The following CPEB3 variants were observed in gnomAD, a reference collection of about 807,000 sequenced individuals.
The protein encoded by CPEB3 is cytoplasmic polyadenylation element-binding protein 3.
A neutral mutation model predicts 67.2 loss-of-function variants in CPEB3; 20 were observed. That is an observed-to-expected ratio of 0.30 (90% CI 0.21 to 0.43). The LOEUF is 0.43. Among genes scored for constraint, CPEB3 ranks in the 20% least tolerant of loss-of-function variants. The probability of loss-of-function intolerance (pLI) is 1.00; values close to 1 mark genes in which losing one functional copy is unlikely to be tolerated. For missense variants in CPEB3, 746 were observed against 968.6 expected, an observed-to-expected ratio of 0.77 and a Z score of 3.05; for synonymous variants, 376 against 393.1, an observed-to-expected ratio of 0.96 and a Z score of 0.51.
chr10:92,228,872 C>G (rs895677238), intron 2 of CPEB3, among the ~76,000 whole-genome samples: 4 of 151,372 alleles, frequency 2.6e-5, no homozygotes, highest in Admixed American at 1.3e-4. Flanking sequence ...TGCCACCATG[C>G]CTGGCTAATT....
intron 8 of CPEB3, among the ~76,000 whole-genome samples, chr10:92,084,164 C>CAAAAA (rs58877359): frequency 2.1e-5 from 2 of 94,068 alleles, no homozygotes; most frequent in Admixed American, 1.2e-4. Context: ...GACTCTGTCT[C>CAAAAA]AAAAAAAAAA....
Position 92,261,024 on chromosome 10 carries a change from A to G in CPEB3, c.-11-20663T>C, listed in dbSNP as rs552892781. ...ATGAAAAAAACCTTTGTTTGCTACA[A>G]CCTCTGCCTTAACAGCCAGTAGCTA... On this transcript the variant is annotated intron_variant, in intron 1 of 9. Transcript: ENST00000265997. 2.6e-5 allele frequency among the ~76,000 whole-genome samples: 4 copies of G among 151,952 alleles called. No individual in the cohort carries two copies. The South Asian group carries it at 8.3e-4, about 32-fold the overall frequency.
At chr10:92,244,228 T>C (rs1322093121) in intron 1 of CPEB3, among the ~76,000 whole-genome samples, 1 of 151,522 alleles carries the variant, frequency 6.6e-6, no homozygotes, top group East Asian at 2.0e-4. Context: ...GAGCCTGTAA[T>C]CCCAGCTACT....
At chr10:92,134,137 A>G (rs1023014634) in intron 6 of CPEB3, among the ~76,000 whole-genome samples, 4 of 152,224 alleles carry the variant, frequency 2.6e-5, no homozygotes, top group African/African-American at 9.6e-5. Flanking sequence ...CACCACTCCT[A>G]TTCAACATAG....
chr10:92,188,319 GTA>G (rs1848791637), intron 3 of CPEB3, among the ~76,000 whole-genome samples: 1 of 12,626 alleles, frequency 7.9e-5, no homozygotes, highest in Non-Finnish European at 1.4e-4. Context: ...GTAAGACATA[GTA>G]AAAAAAAAAA....
intron 4 of CPEB3, among the ~76,000 whole-genome samples, chr10:92,153,011 A>G (rs1452887873): frequency 6.6e-6 from 1 of 152,174 alleles, no homozygotes; most frequent in Non-Finnish European, 1.5e-5. Context: ...GTGAAAAACT[A>G]GTCATCTTCC....
intron 1 of CPEB3, among the ~76,000 whole-genome samples, chr10:92,246,145 C>T (rs966361477): frequency 6.6e-6 from 1 of 151,956 alleles, no homozygotes; most frequent in Non-Finnish European, 1.5e-5. Context: ...ACCATCCTGG[C>T]TAACACGGTG....
At chr10:92,096,213 T>C (rs1843870796) in intron 7 of CPEB3, among the ~76,000 whole-genome samples, 1 of 152,010 alleles carries the variant, frequency 6.6e-6, no homozygotes, top group East Asian at 1.9e-4. Context: ...GTAACAATAA[T>C]ACAAATTTTA....
At position 92,289,817 on chromosome 10, in the gene CPEB3, A is replaced by T. The variant is rs1842751824; in HGVS notation, c.-12+1109T>A. On this transcript the variant is annotated intron_variant, in intron 1 of 9. Transcript: ENST00000265997. ...ATATTATAAATGTATTATATATTAT[A>T]TAATACATATATATTATATATAATA... Among the ~76,000 whole-genome samples the T allele has an allele frequency of 3.5e-5, 5 of 141,536 alleles. No individual in the cohort carries two copies. The South Asian group carries it at 1.1e-3, about 31-fold the overall frequency. The allele number at this position is 141,536 out of a possible 152,430, so 92.9% of individuals were successfully genotyped here.
At chr10:92,177,186 G>A (rs995117242) in intron 4 of CPEB3, among the ~76,000 whole-genome samples, 2 of 152,062 alleles carry the variant, frequency 1.3e-5, no homozygotes, top group Admixed American at 1.3e-4. Context: ...TTCTCCAATG[G>A]GAAAAATTAA....
intron 1 of CPEB3, among the ~76,000 whole-genome samples, chr10:92,285,976 C>T (rs372648493): frequency 5.3e-5 from 8 of 150,636 alleles, no homozygotes; most frequent in African/African-American, 2.0e-4. Context: ...GGAGTCTGTC[C>T]CCAGGCTGGA....
chr10:92,238,863 C>T (rs1383452077), intron 2 of CPEB3, among the ~76,000 whole-genome samples: 2 of 152,208 alleles, frequency 1.3e-5, no homozygotes, highest in South Asian at 2.1e-4. Flanking sequence ...TGAAATAGCA[C>T]CACTCAAGGG....
chr10:92,122,955 C>A (rs1016947581), intron 6 of CPEB3, among the ~76,000 whole-genome samples: 1 of 152,214 alleles, frequency 6.6e-6, no homozygotes, highest in Non-Finnish European at 1.5e-5. Context: ...ATTTCTTTAA[C>A]AATATTTACT....
intron 2 of CPEB3, 85 bp from the exon 3 acceptor site, chr10:92,192,721 A>G (rs1197207583): frequency 1.1e-5 from 11 of 993,802 alleles, no homozygotes; most frequent in Non-Finnish European, 1.6e-5. Context: ...CTGTGGATTG[A>G]TGACATGAAT....
chr10:92,238,744 T>A (rs753939573), intron 2 of CPEB3, among the ~76,000 whole-genome samples: 2 of 152,196 alleles, frequency 1.3e-5, no homozygotes, highest in Non-Finnish European at 2.9e-5. Context: ...CTCACACTCA[T>A]AATTTTCCCA....
At chr10:92,272,588 CT>C (rs749877792) in intron 1 of CPEB3, among the ~76,000 whole-genome samples, 81 of 152,220 alleles carry the variant, frequency 5.3e-4, no homozygotes, top group Non-Finnish European at 8.8e-4. Context: ...TTATAAGTGT[CT>C]TTTATTTATT....
rs900458484 is a variant in CPEB3 at position 92,216,286 on chromosome 10, T to G, written c.1005+23060A>C. The stretch of plus-strand genomic sequence containing the variant: ...CCCCATCTCTACTAAAAACATAAAA[T>G]TTGGCTGGGCAGCCTCCCTGGGACT... On this transcript the variant is annotated intron_variant, in intron 2 of 9. Transcript: ENST00000265997. The G allele has an allele frequency of 6.5e-6, 10 of 1,533,766 alleles. No homozygotes were observed. The African/African-American group carries it at 9.7e-5, about 15-fold the overall frequency.
At chr10:92,263,171 G>A (rs1032148754) in intron 1 of CPEB3, among the ~76,000 whole-genome samples, 2 of 152,186 alleles carry the variant, frequency 1.3e-5, no homozygotes, top group African/African-American at 4.8e-5. Context: ...CGCCTCCCAG[G>A]TTCAAGCAAT....
At chr10:92,286,419 T>C (rs573609748) in intron 1 of CPEB3, among the ~76,000 whole-genome samples, 35 of 151,696 alleles carry the variant, frequency 2.3e-4, no homozygotes, top group African/African-American at 8.0e-4. Context: ...ACCTCATCTC[T>C]ACTAAAAATA....
Sources: gnomAD v4.1 joint callset for allele counts (sites outside exome capture counted in the v4.1 genomes callset) on GRCh38, gnomAD v4.1.1 for gene constraint, MANE v1.5 for transcripts, NCBI Gene and HGNC (gene_info 2026-07-23, HGNC 2026-07-21) for gene names.